The following LZTS2 variants were observed in gnomAD, a reference collection of about 807,000 sequenced individuals.
LZTS2 encodes the protein leucine zipper tumor suppressor 2.
LZTS2 carries 32 observed loss-of-function variants against 60.6 expected under a neutral mutation model. The ratio of observed to expected loss-of-function variants is 0.53; its 90% CI spans 0.40 to 0.71. LZTS2 has a LOEUF of 0.71. Among genes scored for constraint, LZTS2 ranks in the 30% least tolerant of loss-of-function variants. LZTS2 has a pLI of 0.00. For missense variants in LZTS2, 792 were observed against 901.9 expected, an observed-to-expected ratio of 0.88 and a Z score of 1.56; for synonymous variants, 360 against 393.1, an observed-to-expected ratio of 0.92 and a Z score of 1.00.
exon 2 of LZTS2, chr10:101,003,657 GCCT>G (rs752396694): frequency 1.7e-4 from 274 of 1,608,094 alleles, no homozygotes; most frequent in Non-Finnish European, 2.0e-4. Context: ...TGGGGGCCCT[GCCT>G]CCTCCTCCTC....
chr10:101,007,005 A>T (rs1852229879), exon 4 of LZTS2: 1 of 1,568,500 alleles, frequency 6.4e-7, no homozygotes, highest in African/African-American at 1.3e-5. Context: ...TACCAGAAGC[A>T]GCTGCAGCAC....
rs138441624 is a variant in LZTS2, at chr10:101,007,091, C to T, written c.1933C>T (p.Arg645Trp). 2.7e-5 allele frequency: 44 copies of T among 1,610,320 alleles called. No individual in the cohort carries two copies. The African/African-American group carries it at 3.6e-4, about 13-fold the overall frequency. ...GCAGCTCAGCCTGGAGCTGGAGGCC[C>T]GGGAGCTCGCTGACCTGGGCCTGGC... is the stretch of plus-strand genomic sequence containing the variant. Residue 645 changes from arginine to tryptophan, a missense_variant, in exon 4 of 4, where the codon CGG (arginine) becomes TGG (tryptophan). Arg to Trp is a moderately radical substitution (Grantham distance 101). Transcript: ENST00000370220.
chr10:100,998,120 T>C (rs191565060), upstream of LZTS2, among the ~76,000 whole-genome samples: 485 of 152,120 alleles, frequency 3.2e-3, 2 homozygotes, highest in Admixed American at 6.7e-3. Context: ...AGAAAATGCA[T>C]GAGTGTAAAC....
At chr10:100,997,657 C>T (rs1277657534), upstream of LZTS2, among the ~76,000 whole-genome samples, 8 of 152,218 alleles carry the variant, frequency 5.3e-5, no homozygotes, top group Non-Finnish European at 1.2e-4. Flanking sequence ...TCCTGGCCTC[C>T]CGCAGGTGAA....
chr10:101,005,253 C>T (rs907448026), intron 2 of LZTS2, among the ~76,000 whole-genome samples: 4 of 151,970 alleles, frequency 2.6e-5, no homozygotes, highest in African/African-American at 9.7e-5. Flanking sequence ...CCACCCACCT[C>T]GCGTGAGCCA....
chr10:101,002,908 C>T, exon 1 of LZTS2: 2 of 1,613,078 alleles, frequency 1.2e-6, no homozygotes, highest in Non-Finnish European at 1.7e-6. Flanking sequence ...CCGCGGCCCA[C>T]CACCAAAGCT....
At chr10:100,999,244 G>C (rs1379447419), upstream of LZTS2, among the ~76,000 whole-genome samples, 1 of 152,230 alleles carries the variant, frequency 6.6e-6, no homozygotes, top group Non-Finnish European at 1.5e-5. Context: ...GGGGGCGGCT[G>C]GGTGTGTTCT....
Position 101,006,775 on chromosome 10 carries a change from G to GC in LZTS2, c.1622dup (p.Val542CysfsTer7). The GC allele has an allele frequency of 6.4e-7, 1 of 1,555,476 alleles. No individual in the cohort carries two copies. The highest frequency in any genetic ancestry group is 8.7e-7 in the Non-Finnish European group (1 of 1,150,362). On this transcript the variant is annotated frameshift_variant, in exon 4 of 4. Transcript: ENST00000370220. LOFTEE classifies it high-confidence loss of function. ...ATGCTGAGGCGGCCGGACTCCGGGA[G>GC]CCCCCTGTGCCACCTGCCACCGCTG...
chr10:101,004,039 C>G, exon 2 of LZTS2: 1 of 1,613,348 alleles, frequency 6.2e-7, no homozygotes, highest in South Asian at 1.1e-5. Context: ...TCACCACCAC[C>G]CCCGCCTCCA....
At chr10:101,007,395 G>A in exon 4 of LZTS2, 3 of 1,426,240 alleles carry the variant, frequency 2.1e-6, no homozygotes, top group Non-Finnish European at 9.2e-7. Flanking sequence ...TTACCCAGAG[G>A]CTCTTGTTAC....
At chr10:100,999,841 G>T (rs1851991363) in exon 1 of LZTS2, 1 of 147,590 alleles carries the variant, frequency 6.8e-6, no homozygotes, top group Non-Finnish European at 1.5e-5. Flanking sequence ...GTGGCGGCGC[G>T]CGGGCCAGGG....
chr10:101,005,571 G>C (rs1208043807), exon 3 of LZTS2: 1 of 1,610,438 alleles, frequency 6.2e-7, no homozygotes, highest in African/African-American at 1.3e-5. Context: ...AGCTGCAGGT[G>C]TTCCAGCTGC....
chr10:101,006,829 G>A, exon 4 of LZTS2: 1 of 1,544,136 alleles, frequency 6.5e-7, no homozygotes, highest in Non-Finnish European at 8.8e-7. Flanking sequence ...AGAGTGATGA[G>A]GCCAAAGTGC....
At chr10:101,004,139 G>C (rs1465749335) in exon 2 of LZTS2, 1 of 1,606,596 alleles carries the variant, frequency 6.2e-7, no homozygotes, top group Non-Finnish European at 8.5e-7. Flanking sequence ...GGGACAGTCT[G>C]GACGAGAATG....
At chr10:101,005,742 G>C (rs995964504) in intron 3 of LZTS2, 27 bp downstream of exon 4, 2 of 1,523,824 alleles carry the variant, frequency 1.3e-6, no homozygotes, top group Non-Finnish European at 1.8e-6. Context: ...GGGGCAGGGA[G>C]CAGGGTCACA....
Position 101,002,949 on chromosome 10 carries a change from G to A in LZTS2, c.408+3G>A. On this transcript the variant is annotated splice_donor_region_variant and intron_variant, in intron 1 of 3. Transcript: ENST00000370220. ...CTGTCTCTGGAAAGCTGGAGAAGGTGAGGACCGGCTCTTCCTTGTGGGCCT... is the reference window on the plus strand; with the variant it reads ...CTGTCTCTGGAAAGCTGGAGAAGGTAAGGACCGGCTCTTCCTTGTGGGCCT... 1 of 1,606,562 alleles carries A rather than the reference G, an allele frequency of 6.2e-7. No individual in the cohort carries two copies. The highest frequency in any genetic ancestry group is 8.5e-7 in the Non-Finnish European group (1 of 1,176,054).
upstream of LZTS2, among the ~76,000 whole-genome samples, chr10:100,998,106 C>T (rs904999488): frequency 2.0e-5 from 3 of 152,208 alleles, no homozygotes; most frequent in African/African-American, 7.2e-5. Flanking sequence ...AGTCTCCTCC[C>T]CCCAGAAAAT....
exon 1 of LZTS2, chr10:101,002,369 C>T (rs1852057771): frequency 5.5e-6 from 3 of 547,304 alleles, no homozygotes; most frequent in African/African-American, 3.9e-5. Context: ...TTCATTCCAG[C>T]ACTTGAAGGG....
chr10:101,006,459 C>T (rs1412096209), intron 3 of LZTS2, 26 bp from the exon 5 acceptor site: 3 of 1,593,616 alleles, frequency 1.9e-6, no homozygotes, highest in Non-Finnish European at 1.7e-6. Flanking sequence ...GTCTCACCAT[C>T]CTTCCCCACT....
Sources: gnomAD v4.1 joint callset for allele counts (sites outside exome capture counted in the v4.1 genomes callset) on GRCh38, gnomAD v4.1.1 for gene constraint, MANE v1.5 for transcripts, NCBI Gene and HGNC (gene_info 2026-07-23, HGNC 2026-07-21) for gene names.